Variants in SHC3 observed in about 807,000 individuals in gnomAD.
The protein encoded by SHC3 is SHC-transforming protein 3.
Under a neutral mutation model 60.4 loss-of-function variants are expected in SHC3, and 15 were observed. The observed-to-expected ratio is 0.25, with a 90% CI of 0.17 to 0.38. The LOEUF (loss-of-function observed/expected upper bound fraction) is 0.38, where lower values mean the gene tolerates loss of function less well. SHC3 is among the 10% of genes least tolerant of loss of function. The pLI, the probability that SHC3 is intolerant of heterozygous loss-of-function variation, is 1.00. For synonymous variants in SHC3, 294 were observed against 325.9 expected (o/e 0.90, Z 1.05); for missense variants, 677 against 786.1 (o/e 0.86, Z 1.66).
intron 1 of SHC3, among the ~76,000 whole-genome samples, chr9:89,116,539 C>T (rs1011130541): frequency 2.0e-5 from 3 of 152,170 alleles, no homozygotes; most frequent in Non-Finnish European, 4.4e-5. Context: ...ACCAACACCC[C>T]AACACCAAAA....
intron 1 of SHC3, among the ~76,000 whole-genome samples, chr9:89,114,361 T>G (rs1482281173): frequency 6.6e-6 from 1 of 152,050 alleles, no homozygotes; most frequent in African/African-American, 2.4e-5. Context: ...TGTCCCCCCA[T>G]GGACGTATAC....
At chr9:89,042,333 A>AC (rs1456138334) in intron 9 of SHC3, 149 bp from the exon 10 acceptor site, 6 of 825,304 alleles carry the variant, frequency 7.3e-6, no homozygotes, top group Non-Finnish European at 1.0e-5. Context: ...TGAGCTTGTC[A>AC]CCACACACTG....
intron 2 of SHC3, chr9:89,109,147 T>C (rs1270038095): frequency 2.0e-6 from 2 of 984,184 alleles, no homozygotes; most frequent in Non-Finnish European, 2.4e-6. Flanking sequence ...AACATAAATA[T>C]CTTGTTAGTA....
At chr9:89,028,117 T>C (rs1266787975) in intron 11 of SHC3, among the ~76,000 whole-genome samples, 1 of 152,100 alleles carries the variant, frequency 6.6e-6, no homozygotes, top group Non-Finnish European at 1.5e-5. Flanking sequence ...CCAAGCCCCC[T>C]CCCCTTCTCA....
chr9:89,038,392 A>T (rs1824621176), intron 10 of SHC3, 104 bp from the exon 11 acceptor site: 2 of 1,271,700 alleles, frequency 1.6e-6, no homozygotes, highest in Non-Finnish European at 2.1e-6. Flanking sequence ...TGCAAAGGCA[A>T]CTCCTCCAGA....
intron 11 of SHC3, among the ~76,000 whole-genome samples, chr9:89,016,937 C>T (rs1302471491): frequency 2.0e-5 from 3 of 152,168 alleles, no homozygotes; most frequent in South Asian, 2.1e-4. Flanking sequence ...GCAGACAAAG[C>T]ATTTGACAAA....
At chr9:89,068,761 T>C (rs1825223260) in intron 5 of SHC3, among the ~76,000 whole-genome samples, 1 of 152,234 alleles carries the variant, frequency 6.6e-6, no homozygotes, top group East Asian at 1.9e-4. Context: ...CACAAACCAA[T>C]GTAATTGGCT....
chr9:89,127,588 C>T (rs1286944050), intron 1 of SHC3, among the ~76,000 whole-genome samples: 3 of 152,168 alleles, frequency 2.0e-5, no homozygotes, highest in African/African-American at 4.8e-5. Flanking sequence ...TGTTATCTGA[C>T]GTTTTTGACT....
At position 89,057,402 on chromosome 9, in the gene SHC3, C is replaced by T. The variant is rs564235033; in HGVS notation, c.836-5239G>A. Among the ~76,000 whole-genome samples, 44 of 149,798 alleles carry T rather than the reference C, an allele frequency of 2.9e-4. No individual in the cohort carries two copies. In the South Asian group the frequency reaches 8.6e-3, roughly 29 times the overall value. Reference sequence around the variant, plus strand: ...TATGATGAGTTTCTCAGTACATGTCCTAGCCCCAGATAGGGCAAATTAAAG... The same window carrying T: ...TATGATGAGTTTCTCAGTACATGTCTTAGCCCCAGATAGGGCAAATTAAAG... On this transcript the variant is annotated intron_variant, in intron 6 of 11. Coordinates refer to ENST00000375835, the MANE Select transcript of SHC3 (RefSeq NM_016848.6).
intron 1 of SHC3, among the ~76,000 whole-genome samples, chr9:89,123,664 C>T (rs1436795971): frequency 1.3e-5 from 2 of 152,194 alleles, no homozygotes; most frequent in African/African-American, 4.8e-5. Context: ...TCAAATCCAG[C>T]TTCAGAGAGC....
intron 5 of SHC3, among the ~76,000 whole-genome samples, chr9:89,069,247 TG>T (rs1825232072): frequency 6.6e-6 from 1 of 152,196 alleles, no homozygotes; most frequent in Non-Finnish European, 1.5e-5. Flanking sequence ...AGGTCAAGGC[TG>T]CAGTGAGCTG....
At chr9:89,090,722 G>T (rs1825608776) in intron 2 of SHC3, among the ~76,000 whole-genome samples, 1 of 152,174 alleles carries the variant, frequency 6.6e-6, no homozygotes, top group Admixed American at 6.5e-5. Context: ...CCTGCAGAAG[G>T]ACCCACAACA....
At position 89,071,231 on chromosome 9, in the gene SHC3, G is replaced by C; in HGVS notation, c.751C>G (p.Arg251Gly). The change falls in exon 5 of 12, where the codon CGG (arginine) becomes GGG (glycine). Residue 251 changes from arginine to glycine, a missense_variant. By Grantham distance (125) the Arg-to-Gly change is moderately radical. Coordinates refer to ENST00000375835, the MANE Select transcript of SHC3 (RefSeq NM_016848.6). ...SKQIIANHHM[R>G]SISFASGGDP... The stretch of plus-strand genomic sequence containing the variant: ...CCCCCAGAGGCGAAGGAGATGGACC[G>C]CATGTGGTGATTCGCTATGATCTGC... 1 of 1,614,112 alleles carries C rather than the reference G, an allele frequency of 6.2e-7. No individual in the cohort carries two copies. The highest frequency in any genetic ancestry group is 8.5e-7 in the Non-Finnish European group (1 of 1,180,014).
At chr9:89,106,418 C>T (rs7031498) in intron 2 of SHC3, among the ~76,000 whole-genome samples, 2,293 of 152,342 alleles carry the variant, frequency 0.015, 58 homozygotes, top group African/African-American at 0.05. Flanking sequence ...TGGACAGTCC[C>T]GTAAATGCTG....
chr9:89,049,215 C>T (rs1391215307), intron 7 of SHC3, among the ~76,000 whole-genome samples: 1 of 152,130 alleles, frequency 6.6e-6, no homozygotes, highest in African/African-American at 2.4e-5. Context: ...GAGCCAAGAT[C>T]GCGCCACTGC....
At chr9:89,111,634 G>T (rs1025049110) in intron 2 of SHC3, among the ~76,000 whole-genome samples, 1 of 151,902 alleles carries the variant, frequency 6.6e-6, no homozygotes, top group African/African-American at 2.4e-5. Flanking sequence ...CTTCAGTGAG[G>T]AGGAAGAGGT....
rs1825736180 is a variant in SHC3 at position 89,098,440 on chromosome 9, T to C, written c.545+14116A>G. Among the ~76,000 whole-genome samples the C allele has an allele frequency of 2.0e-5, 3 of 152,216 alleles. No individual in the cohort carries two copies. In the South Asian group the frequency reaches 6.2e-4, roughly 32 times the overall value. On this transcript the variant is annotated intron_variant, in intron 2 of 11. Transcript: ENST00000375835. ...CTGTGAGTATGTAGGAAAATAACATTGTCCTCAGGAAATGTGCACTTAACT... is the reference window on the plus strand; with the variant it reads ...CTGTGAGTATGTAGGAAAATAACATCGTCCTCAGGAAATGTGCACTTAACT...
At chr9:89,121,291 A>ATT (rs891104858) in intron 1 of SHC3, among the ~76,000 whole-genome samples, 1 of 145,284 alleles carries the variant, frequency 6.9e-6, no homozygotes, top group African/African-American at 2.5e-5. Flanking sequence ...GGAAGTTTCT[A>ATT]TTTTTTTTTT....
chr9:89,042,038 G>C lies in SHC3; in HGVS notation c.1348C>G (p.Leu450Val), dbSNP rs745390395. The change falls in exon 10 of 12, where the codon CTC (leucine) becomes GTC (valine). Residue 450 changes from leucine (L) to valine (V), a missense_variant. By Grantham distance (32) the Leu-to-Val change is conservative (BLOSUM62 1). Coordinates refer to ENST00000375835, the MANE Select transcript of SHC3 (RefSeq NM_016848.6). ...SSAESSPRKD[L>V]FDMKPFEDAL... ...AACAGAAACCCACTCATGTCAAAGA[G>C]GTCTTTCCTTGGGCTGCTCTCAGCA... 1 of 1,613,774 alleles carries C rather than the reference G, an allele frequency of 6.2e-7. No individual in the cohort carries two copies. Among genetic ancestry groups the C allele is most frequent in the Non-Finnish European group, 8.5e-7 (1 of 1,179,958 alleles).
Sources: gnomAD v4.1 joint callset for allele counts (sites outside exome capture counted in the v4.1 genomes callset) on GRCh38, gnomAD v4.1.1 for gene constraint, MANE v1.5 for transcripts, NCBI Gene and HGNC (gene_info 2026-07-23, HGNC 2026-07-21) for gene names.